Variants in TTC27 observed in about 807,000 individuals in gnomAD.
The protein encoded by TTC27 is tetratricopeptide repeat domain 27, also known as tetratricopeptide repeat protein 27.
Under a neutral mutation model 115.9 loss-of-function variants are expected in TTC27, and 79 were observed. That is an observed-to-expected ratio of 0.68 (90% confidence interval 0.57 to 0.82). TTC27 has a LOEUF of 0.82. TTC27 is among the 40% of genes least tolerant of loss of function. TTC27 has a pLI of 0.00. For missense variants in TTC27, 1,054 were observed against 993.1 expected, an observed-to-expected ratio of 1.06 and a Z score of -0.82; for synonymous variants, 401 against 356.0, an observed-to-expected ratio of 1.13 and a Z score of -1.42.
intron 5 of TTC27, among the ~76,000 whole-genome samples, chr2:32,658,111 A>G (rs1309786573): frequency 6.6e-6 from 1 of 152,098 alleles, no homozygotes; most frequent in African/African-American, 2.4e-5. Context: ...TATAGACATG[A>G]GCCACTGCAC....
intron 12 of TTC27, among the ~76,000 whole-genome samples, chr2:32,748,230 G>T (rs1295476878): frequency 6.6e-6 from 1 of 151,984 alleles, no homozygotes; most frequent in Non-Finnish European, 1.5e-5. Context: ...AGAGTATATT[G>T]TTTAATTTCC....
intron 9 of TTC27, among the ~76,000 whole-genome samples, chr2:32,687,677 G>A (rs1158171985): frequency 1.3e-5 from 2 of 152,104 alleles, no homozygotes; most frequent in Non-Finnish European, 2.9e-5. Flanking sequence ...AAAGTAAAAT[G>A]GGCTTCATTA....
At chr2:32,681,994 G>A (rs1304894287) in intron 9 of TTC27, among the ~76,000 whole-genome samples, 1 of 135,274 alleles carries the variant, frequency 7.4e-6, no homozygotes, top group Non-Finnish European at 1.7e-5. Context: ...GTGTGTGTGT[G>A]TGTGTGTGTG....
At chr2:32,663,433 C>T (rs998968676) in intron 5 of TTC27, among the ~76,000 whole-genome samples, 4 of 152,152 alleles carry the variant, frequency 2.6e-5, no homozygotes, top group Non-Finnish European at 5.9e-5. Context: ...GAGAGTTCCA[C>T]GACCCCTTGT....
Position 32,812,528 on chromosome 2 carries a change from T to A in TTC27, c.2221T>A (p.Tyr741Asn). 6.2e-7 allele frequency: 1 copy of A among 1,613,960 alleles called. No individual in the cohort carries two copies. ...EKAFQCLSKA[Y>N]KCDTQSNCWE... ...GGCATTCCAGTGCCTCTCAAAGGCA[T>A]ACAAGTGTGACACCCAGTCCAATTG... is the stretch of plus-strand genomic sequence containing the variant. The change falls in exon 18 of 20, where the codon TAC (tyrosine) becomes AAC (asparagine). Residue 741 changes from tyrosine (Y) to asparagine (N), a missense_variant. Coordinates refer to ENST00000317907, the MANE Select transcript of TTC27 (RefSeq NM_017735.5).
intron 16 of TTC27, among the ~76,000 whole-genome samples, chr2:32,790,317 A>G (rs1248396156): frequency 2.0e-5 from 3 of 152,098 alleles, no homozygotes; most frequent in Non-Finnish European, 4.4e-5. Context: ...TTTAATACAG[A>G]CATAGGGTAA....
intron 2 of TTC27, among the ~76,000 whole-genome samples, chr2:32,631,232 G>T (rs1046562131): frequency 6.6e-6 from 1 of 152,164 alleles, no homozygotes; most frequent in African/African-American, 2.4e-5. Flanking sequence ...GAACCTGGGA[G>T]GTGGAGGTTG....
At position 32,787,074 on chromosome 2, in the gene TTC27, C is replaced by G; in HGVS notation, c.1923C>G (p.Asp641Glu). 1 of 1,614,054 alleles carries G rather than the reference C, an allele frequency of 6.2e-7. No individual in the cohort carries two copies. Among genetic ancestry groups the G allele is most frequent in the Non-Finnish European group, 8.5e-7 (1 of 1,179,984 alleles). Residue 641 changes from aspartate to glutamate, a missense_variant, in exon 16 of 20, where the codon GAC (aspartate) becomes GAG (glutamate). Transcript: ENST00000317907. The part of the protein sequence containing the change: ...IWENYILTST[D>E]VGEFSEAIKA... ...AAAACTACATCCTCACCAGCACTGA[C>G]GTTGGGGAATTTTCAGAAGCCATTA...
intron 10 of TTC27, among the ~76,000 whole-genome samples, chr2:32,722,986 G>A (rs1311944666): frequency 2.6e-5 from 4 of 152,082 alleles, no homozygotes; most frequent in African/African-American, 9.7e-5. Flanking sequence ...AATATGCAAC[G>A]AGTAGCTTAT....
intron 10 of TTC27, among the ~76,000 whole-genome samples, chr2:32,732,194 A>G (rs1452177118): frequency 1.3e-5 from 2 of 152,126 alleles, no homozygotes; most frequent in Non-Finnish European, 2.9e-5. Flanking sequence ...ATTCTTCTCT[A>G]CCCTCCCTCC....
intron 10 of TTC27, among the ~76,000 whole-genome samples, chr2:32,728,349 C>T (rs996083202): frequency 3.3e-5 from 5 of 152,028 alleles, no homozygotes; most frequent in Admixed American, 2.0e-4. Flanking sequence ...CCAGGACTGC[C>T]TCTTAAAGTT....
At chr2:32,640,528 T>A in intron 4 of TTC27, 118 bp downstream of exon 4, 1 of 1,065,806 alleles carries the variant, frequency 9.4e-7, no homozygotes, top group South Asian at 1.7e-5. Flanking sequence ...GTCTTCTAGG[T>A]ATGTAATTTA....
intron 12 of TTC27, among the ~76,000 whole-genome samples, chr2:32,750,598 C>T (rs1668976455): frequency 6.6e-6 from 1 of 152,168 alleles, no homozygotes; most frequent in Admixed American, 6.5e-5. Flanking sequence ...TGGAAAGTAG[C>T]AACGTACTAG....
chr2:32,753,313 A>C (rs757683151), intron 12 of TTC27, among the ~76,000 whole-genome samples: 2 of 152,118 alleles, frequency 1.3e-5, no homozygotes, highest in South Asian at 4.2e-4. Context: ...CACTTTTACC[A>C]TAGTCCCAAG....
intron 12 of TTC27, among the ~76,000 whole-genome samples, chr2:32,742,775 T>C (rs184218638): frequency 3.3e-5 from 5 of 152,294 alleles, no homozygotes; most frequent in Admixed American, 2.0e-4. Context: ...CTCCCTGTCA[T>C]TGAGAAACAG....
intron 13 of TTC27, among the ~76,000 whole-genome samples, chr2:32,765,639 G>A (rs1267549758): frequency 6.6e-6 from 1 of 152,172 alleles, no homozygotes; most frequent in African/African-American, 2.4e-5. Context: ...AGTCCTAGAT[G>A]ACATCTTCTT....
intron 14 of TTC27, among the ~76,000 whole-genome samples, chr2:32,778,662 G>T (rs1157221331): frequency 6.6e-6 from 1 of 152,140 alleles, no homozygotes; most frequent in East Asian, 1.9e-4. Context: ...GTTATAGCAT[G>T]CTTCAGTACT....
At chr2:32,636,250 G>T (rs1304985767) in intron 3 of TTC27, among the ~76,000 whole-genome samples, 1 of 152,108 alleles carries the variant, frequency 6.6e-6, no homozygotes, top group African/African-American at 2.4e-5. Flanking sequence ...GTCTCACTCT[G>T]TCGCCCAGGC....
At chr2:32,706,561 C>T (rs1475951859) in intron 10 of TTC27, among the ~76,000 whole-genome samples, 1 of 152,062 alleles carries the variant, frequency 6.6e-6, no homozygotes, top group East Asian at 1.9e-4. Flanking sequence ...ATTCTCCCTG[C>T]TCCCTCGCCT....
Sources: gnomAD v4.1 joint callset for allele counts (sites outside exome capture counted in the v4.1 genomes callset) on GRCh38, gnomAD v4.1.1 for gene constraint, MANE v1.5 for transcripts, NCBI Gene and HGNC (gene_info 2026-07-23, HGNC 2026-07-21) for gene names.